Variants in TMEM108 observed in about 807,000 individuals in gnomAD.
The protein encoded by TMEM108 is transmembrane protein 108, also known as cancer/testis antigen 124.
TMEM108 carries 12 observed loss-of-function variants against 35.1 expected under a neutral mutation model. That is an observed-to-expected ratio of 0.34 (90% CI 0.22 to 0.55). The LOEUF is 0.55. Ranked by LOEUF, TMEM108 falls within the 20% of genes least tolerant of loss-of-function variation. The pLI is 0.89. For missense variants in TMEM108, 680 were observed against 753.3 expected, an observed-to-expected ratio of 0.90 and a Z score of 1.14; for synonymous variants, 287 against 308.6, an observed-to-expected ratio of 0.93 and a Z score of 0.73.
At chr3:133,153,903 C>A (rs1241438488) in intron 2 of TMEM108, among the ~76,000 whole-genome samples, 1 of 152,034 alleles carries the variant, frequency 6.6e-6, no homozygotes, top group Non-Finnish European at 1.5e-5. Context: ...TCACACTTTG[C>A]AGGCACTTTA....
intron 3 of TMEM108, among the ~76,000 whole-genome samples, chr3:133,328,935 C>T (rs2071362512): frequency 6.6e-6 from 1 of 152,142 alleles, no homozygotes; most frequent in Non-Finnish European, 1.5e-5. Flanking sequence ...TTTTCAGTCT[C>T]ATCGTGCTAA....
Position 133,211,690 on chromosome 3 carries a change from T to C in TMEM108, c.-46-17576T>C, listed in dbSNP as rs142686751. ...AGCCTCAAACTCCTGGTACTATTTT[T>C]ACCCCATTGCTGACCTCAGTGGCTG... On this transcript the variant is annotated intron_variant, in intron 2 of 5. Coordinates refer to ENST00000321871, the MANE Select transcript of TMEM108 (RefSeq NM_023943.4). 4.7e-4 allele frequency among the ~76,000 whole-genome samples: 72 copies of C among 152,298 alleles called. 1 individual carries two copies. The East Asian group carries it at 0.013, about 27-fold the overall frequency.
chr3:133,172,122 G>A (rs1576359687), intron 2 of TMEM108, among the ~76,000 whole-genome samples: 1 of 152,254 alleles, frequency 6.6e-6, no homozygotes, highest in East Asian at 1.9e-4. Flanking sequence ...AACGCTCACA[G>A]GGATGCAATT....
chr3:133,198,338 A>AGCAG (rs141477085), intron 2 of TMEM108, among the ~76,000 whole-genome samples: 2 of 54,564 alleles, frequency 3.7e-5, no homozygotes, highest in Non-Finnish European at 6.7e-5. Flanking sequence ...TAGCTTTGGG[A>AGCAG]GAAGCTTTCT....
intron 3 of TMEM108, among the ~76,000 whole-genome samples, chr3:133,355,582 T>C (rs2072139036): frequency 6.6e-6 from 1 of 152,216 alleles, no homozygotes; most frequent in Non-Finnish European, 1.5e-5. Context: ...AGGAATTTGA[T>C]ATTCATGGAA....
chr3:133,179,104 A>G (rs759126669), intron 2 of TMEM108, among the ~76,000 whole-genome samples: 1 of 151,908 alleles, frequency 6.6e-6, no homozygotes, highest in Non-Finnish European at 1.5e-5. Flanking sequence ...AACCACAATG[A>G]GATACCATCT....
intron 1 of TMEM108, among the ~76,000 whole-genome samples, chr3:133,041,489 G>A (rs576349924): frequency 3.1e-4 from 47 of 152,324 alleles, no homozygotes; most frequent in African/African-American, 1.1e-3. Context: ...GTAGCCTCTA[G>A]TCAGAAGATT....
chr3:133,313,324 A>G (rs2071157485), intron 3 of TMEM108, among the ~76,000 whole-genome samples: 3 of 151,896 alleles, frequency 2.0e-5, no homozygotes, highest in African/African-American at 4.8e-5. Flanking sequence ...CAGCCTCCCA[A>G]GTAGCTGGGA....
intron 3 of TMEM108, among the ~76,000 whole-genome samples, chr3:133,288,472 G>A (rs551616059): frequency 1.2e-4 from 18 of 152,278 alleles, no homozygotes; most frequent in South Asian, 2.1e-4. Flanking sequence ...CTCCATGGGG[G>A]GGTGAATAGA....
intron 2 of TMEM108, among the ~76,000 whole-genome samples, chr3:133,123,729 A>G (rs528593871): frequency 1.6e-4 from 24 of 152,362 alleles, no homozygotes; most frequent in Admixed American, 3.9e-4. Context: ...GCAAAACTAG[A>G]AAAGTGGGTC....
At chr3:133,304,257 G>A (rs187427811) in intron 3 of TMEM108, among the ~76,000 whole-genome samples, 1 of 152,258 alleles carries the variant, frequency 6.6e-6, no homozygotes, top group East Asian at 1.9e-4. Context: ...TTCTGATTCA[G>A]CCATGATCAT....
At chr3:133,171,101 T>G (rs62280319) in intron 2 of TMEM108, among the ~76,000 whole-genome samples, 41,058 of 152,036 alleles carry the variant, frequency 0.27, 6,802 homozygotes, top group Admixed American at 0.44. Context: ...TCTCTGACAT[T>G]TAGATAATTC....
At chr3:133,371,809 C>T (rs757408651) in intron 3 of TMEM108, among the ~76,000 whole-genome samples, 4 of 152,002 alleles carry the variant, frequency 2.6e-5, no homozygotes, top group Non-Finnish European at 4.4e-5. Context: ...TATTCTTCAG[C>T]GAATATGTCT....
intron 3 of TMEM108, among the ~76,000 whole-genome samples, chr3:133,373,449 A>G (rs1429010695): frequency 1.3e-5 from 2 of 150,500 alleles, no homozygotes; most frequent in Admixed American, 6.6e-5. Flanking sequence ...TAGATACAGT[A>G]TGAGTTTGGC....
At chr3:133,307,753 T>C (rs1241902329) in intron 3 of TMEM108, among the ~76,000 whole-genome samples, 1 of 152,160 alleles carries the variant, frequency 6.6e-6, no homozygotes, top group Non-Finnish European at 1.5e-5. Flanking sequence ...GTACCAGTAC[T>C]ATACTGTTTT....
chr3:133,354,422 C>T (rs1411625094), intron 3 of TMEM108, among the ~76,000 whole-genome samples: 6 of 152,198 alleles, frequency 3.9e-5, no homozygotes, highest in Admixed American at 3.3e-4. Context: ...GAGCTGACAT[C>T]TAGAACATTG....
chr3:133,118,691 C>T (rs80353728), intron 2 of TMEM108, among the ~76,000 whole-genome samples: 292 of 152,300 alleles, frequency 1.9e-3, no homozygotes, highest in African/African-American at 6.6e-3. Flanking sequence ...CCAGAAGCTA[C>T]TAAGTCCTTT....
chr3:133,389,422 G>A, intron 4 of TMEM108: 2 of 984,310 alleles, frequency 2.0e-6, no homozygotes, highest in Non-Finnish European at 2.4e-6. Flanking sequence ...GCTCACACCT[G>A]TAATCAATCC....
intron 2 of TMEM108, among the ~76,000 whole-genome samples, chr3:133,047,093 A>T (rs1044563421): frequency 6.6e-6 from 1 of 152,308 alleles, no homozygotes; most frequent in East Asian, 1.9e-4. Context: ...CTCTAAAGTG[A>T]TGCACATGCT....
Sources: allele counts gnomAD v4.1 joint callset (sites outside exome capture counted in the v4.1 genomes callset), GRCh38; gene constraint gnomAD v4.1.1; transcripts MANE v1.5; gene names NCBI Gene and HGNC (gene_info 2026-07-23, HGNC 2026-07-21).